CCDC149: variants seen among roughly 807,000 people sequenced by gnomAD.
CCDC149 encodes the protein coiled-coil domain containing 149, also known as coiled-coil domain-containing protein 149.
In CCDC149, 45 loss-of-function variants were observed where a neutral mutation model predicts 59.9. The observed-to-expected ratio is 0.75, with a 90% CI of 0.59 to 0.96. The LOEUF (loss-of-function observed/expected upper bound fraction) is 0.96, where lower values mean the gene tolerates loss of function less well. Among genes scored for constraint, CCDC149 ranks in the 40% least tolerant of loss-of-function variants. CCDC149 has a pLI of 0.00. For synonymous variants in CCDC149, 245 were observed against 260.6 expected (o/e 0.94, Z 0.58); for missense variants, 584 against 664.7 (o/e 0.88, Z 1.33).
At chr4:24,894,964 G>A in intron 1 of CCDC149, 1 of 1,535,882 alleles carries the variant, frequency 6.5e-7, no homozygotes, top group Non-Finnish European at 8.7e-7. Flanking sequence ...TAGGCTTAAA[G>A]TCCCATGCAG....
At chr4:24,967,806 C>T (rs1723842920) in intron 1 of CCDC149, among the ~76,000 whole-genome samples, 1 of 151,904 alleles carries the variant, frequency 6.6e-6, no homozygotes, top group Non-Finnish European at 1.5e-5. Context: ...TGTGGTTGGG[C>T]TGTCAATGAA....
chr4:24,912,737 C>T, intron 1 of CCDC149, 80 bp downstream of exon 1: 3 of 1,037,126 alleles, frequency 2.9e-6, no homozygotes, highest in Non-Finnish European at 3.6e-6. Context: ...CCTCCCAGCT[C>T]GGCCTCTCTG....
At chr4:24,891,182 A>G (rs1720506823) in intron 1 of CCDC149, among the ~76,000 whole-genome samples, 1 of 152,192 alleles carries the variant, frequency 6.6e-6, no homozygotes, top group Non-Finnish European at 1.5e-5. Flanking sequence ...AAGAACTGTC[A>G]GTTTAGAACT....
chr4:24,895,594 T>C (rs1358844434), intron 1 of CCDC149, among the ~76,000 whole-genome samples: 3 of 152,186 alleles, frequency 2.0e-5, no homozygotes, highest in Non-Finnish European at 4.4e-5. Flanking sequence ...CTTCAGTCAT[T>C]CACTTTCTTC....
chr4:24,972,711 A>C (rs541671050), intron 1 of CCDC149, among the ~76,000 whole-genome samples: 9 of 152,194 alleles, frequency 5.9e-5, no homozygotes, highest in Non-Finnish European at 1.2e-4. Flanking sequence ...TAACTGACTG[A>C]CTTTCCAATC....
At chr4:24,810,465 C>T (rs1301511444) in intron 12 of CCDC149, among the ~76,000 whole-genome samples, 1 of 152,230 alleles carries the variant, frequency 6.6e-6, no homozygotes, top group East Asian at 1.9e-4. Context: ...ACTCCTGGAC[C>T]CCCTTTCCAG....
At chr4:24,817,362 T>C (rs1715083364) in intron 12 of CCDC149, among the ~76,000 whole-genome samples, 2 of 152,112 alleles carry the variant, frequency 1.3e-5, no homozygotes, top group Admixed American at 6.5e-5. Flanking sequence ...CCAGCCTTGC[T>C]TTCTGGCTGG....
intron 3 of CCDC149, among the ~76,000 whole-genome samples, chr4:24,863,744 T>C (rs888026348): frequency 6.6e-6 from 1 of 152,228 alleles, no homozygotes; most frequent in Non-Finnish European, 1.5e-5. Flanking sequence ...CCCTTCCTTA[T>C]TTGGAAATGT....
At chr4:24,836,880 G>A (rs1021317344) in intron 6 of CCDC149, among the ~76,000 whole-genome samples, 1 of 151,956 alleles carries the variant, frequency 6.6e-6, no homozygotes, top group Non-Finnish European at 1.5e-5. Flanking sequence ...TTTGCCTCAG[G>A]GAAAAGAAAC....
intron 3 of CCDC149, among the ~76,000 whole-genome samples, chr4:24,854,798 C>T (rs1717897768): frequency 6.6e-6 from 1 of 152,220 alleles, no homozygotes; most frequent in Non-Finnish European, 1.5e-5. Flanking sequence ...GTCCCCCACA[C>T]AGACCAGGCA....
chr4:24,809,247 T>C (rs570709606), intron 12 of CCDC149, among the ~76,000 whole-genome samples: 1 of 152,260 alleles, frequency 6.6e-6, no homozygotes, highest in East Asian at 1.9e-4. Flanking sequence ...GAAGGATAGT[T>C]CGGGAAGGAT....
chr4:24,846,962 G>A (rs775969679), intron 4 of CCDC149, among the ~76,000 whole-genome samples: 5 of 152,210 alleles, frequency 3.3e-5, no homozygotes, highest in African/African-American at 4.8e-5. Flanking sequence ...ATGAATTGCC[G>A]CTTCTGGCAT....
At chr4:24,940,636 A>G (rs1256589881) in intron 1 of CCDC149, among the ~76,000 whole-genome samples, 2 of 152,074 alleles carry the variant, frequency 1.3e-5, no homozygotes, top group Non-Finnish European at 2.9e-5. Flanking sequence ...TCAGTGTGCT[A>G]TATTCAGGAA....
intron 1 of CCDC149, among the ~76,000 whole-genome samples, chr4:24,880,942 C>T (rs948457742): frequency 2.0e-5 from 3 of 152,200 alleles, no homozygotes; most frequent in Non-Finnish European, 4.4e-5. Flanking sequence ...ATTTCAACAC[C>T]ACTGTCGAAT....
chr4:24,820,650 C>T (rs1041753571), intron 11 of CCDC149, among the ~76,000 whole-genome samples: 1 of 152,162 alleles, frequency 6.6e-6, no homozygotes, highest in Admixed American at 6.5e-5. Context: ...CTAGAAGAGG[C>T]TCTTTTTCCT....
intron 9 of CCDC149, chr4:24,831,215 C>T (rs1716122256): frequency 1.3e-5 from 3 of 226,926 alleles, no homozygotes; most frequent in South Asian, 1.1e-4. Context: ...TGGGTCAAGT[C>T]ACCCAGGCGA....
intron 3 of CCDC149, among the ~76,000 whole-genome samples, chr4:24,854,830 G>A (rs1406164359): frequency 6.6e-6 from 1 of 152,036 alleles, no homozygotes; most frequent in Non-Finnish European, 1.5e-5. Flanking sequence ...CAGTGCCAGG[G>A]CCCTATTCTC....
intron 1 of CCDC149, among the ~76,000 whole-genome samples, chr4:24,906,762 A>C (rs576902360): frequency 2.0e-5 from 3 of 152,278 alleles, no homozygotes; most frequent in African/African-American, 7.2e-5. Flanking sequence ...CCATGCCCAG[A>C]ACAGTGAAAA....
In CCDC149 at chr4:24,831,559, C is replaced by T; in HGVS notation, c.912G>A (p.Leu304=). The change falls in exon 9 of 13, where the codon TTG becomes TTA. Residue 304 remains leucine, a synonymous_variant. Coordinates refer to ENST00000635206, the MANE Select transcript of CCDC149 (RefSeq NM_001330643.2). Reference sequence around the variant, plus strand: ...CCATGTTTTTCTCGTGGATTGTTTCCAACAGGGCTGTTGCCAGAGATTTCA... The same window carrying T: ...CCATGTTTTTCTCGTGGATTGTTTCTAACAGGGCTGTTGCCAGAGATTTCA... 3 of 1,614,028 alleles carry T rather than the reference C, an allele frequency of 1.9e-6. No individual in the cohort carries two copies. The highest frequency in any genetic ancestry group is 2.5e-6 in the Non-Finnish European group (3 of 1,180,004).
Sources: allele counts gnomAD v4.1 joint callset (sites outside exome capture counted in the v4.1 genomes callset), GRCh38; gene constraint gnomAD v4.1.1; transcripts MANE v1.5; gene names NCBI Gene and HGNC (gene_info 2026-07-23, HGNC 2026-07-21).